The following IPMK variants were observed in gnomAD, a reference collection of about 807,000 sequenced individuals.
The protein encoded by IPMK is inositol polyphosphate multikinase.
In IPMK, 17 loss-of-function variants were observed where a neutral mutation model predicts 45.8. That is an observed-to-expected ratio of 0.37 (90% confidence interval 0.25 to 0.56). The LOEUF is 0.56. Ranked by LOEUF, IPMK falls within the 20% of genes least tolerant of loss-of-function variation. The probability of loss-of-function intolerance (pLI) is 0.79; values close to 1 mark genes in which losing one functional copy is unlikely to be tolerated. For synonymous variants in IPMK, 180 were observed against 184.3 expected (o/e 0.98, Z 0.19); for missense variants, 399 against 498.0 (o/e 0.80, Z 1.89).
At position 58,256,733 on chromosome 10, in the gene IPMK, C is replaced by T. The variant is rs180950553; in HGVS notation, c.190+10689G>A. ...CCAGAGGCCCAGCTGTAAAATTTCTCTCTTTGTACTCTTTCTCTTTATTTG... is the reference window on the plus strand; with the variant it reads ...CCAGAGGCCCAGCTGTAAAATTTCTTTCTTTGTACTCTTTCTCTTTATTTG... On this transcript the variant is annotated intron_variant, in intron 1 of 5. Coordinates refer to ENST00000373935, the MANE Select transcript of IPMK (RefSeq NM_152230.5). Among the ~76,000 whole-genome samples, 190 of 152,298 alleles carry T rather than the reference C, an allele frequency of 1.2e-3. 2 individuals carry two copies. Among genetic ancestry groups the T allele is most frequent in the Non-Finnish European group, 2.3e-3 (155 of 68,018 alleles).
At chr10:58,203,632 T>C (rs1411833651) in intron 4 of IPMK, among the ~76,000 whole-genome samples, 2 of 152,094 alleles carry the variant, frequency 1.3e-5, no homozygotes, top group Admixed American at 6.5e-5. Flanking sequence ...TGGCTTCTCA[T>C]GGATGAGCAA....
intron 5 of IPMK, among the ~76,000 whole-genome samples, chr10:58,198,066 G>C (rs966466146): frequency 2.6e-5 from 4 of 151,986 alleles, no homozygotes; most frequent in Non-Finnish European, 4.4e-5. Flanking sequence ...ACAAAAACTT[G>C]CTTATTAGAA....
intron 1 of IPMK, among the ~76,000 whole-genome samples, chr10:58,251,448 T>G (rs1178176474): frequency 2.0e-5 from 3 of 150,906 alleles, no homozygotes; most frequent in Non-Finnish European, 4.4e-5. Flanking sequence ...GAAAAAAATG[T>G]GTATTCTGCA....
chr10:58,244,596 A>C (rs1838766570), intron 1 of IPMK, among the ~76,000 whole-genome samples: 1 of 151,710 alleles, frequency 6.6e-6, no homozygotes, highest in African/African-American at 2.4e-5. Context: ...GTCGAAAAAA[A>C]AGAAAAGGGG....
chr10:58,216,729 A>C (rs2132153040), intron 3 of IPMK, among the ~76,000 whole-genome samples: 1 of 152,346 alleles, frequency 6.6e-6, no homozygotes, highest in African/African-American at 2.4e-5. Context: ...AGTAATAGGA[A>C]TAAATCCTTC....
At chr10:58,232,391 C>T (rs1264453480) in intron 2 of IPMK, among the ~76,000 whole-genome samples, 5 of 152,124 alleles carry the variant, frequency 3.3e-5, no homozygotes, top group Non-Finnish European at 7.4e-5. Flanking sequence ...TTCTTCTCAG[C>T]ACATCACACT....
In IPMK at chr10:58,199,303, C is replaced by A; in HGVS notation, c.565G>T (p.Asp189Tyr). ...TGCTGGTTTTCTGTCTCATAGCTAT[C>A]GGAATGAACATGATAAACCTGTCAA... is the stretch of plus-strand genomic sequence containing the variant. ...LGMRVYHVHSDSYETENQHYG... is the reference protein window; with the variant it reads ...LGMRVYHVHSYSYETENQHYG... Residue 189 changes from aspartate to tyrosine, a missense_variant, in exon 5 of 6, where the codon GAT (aspartate) becomes TAT (tyrosine). By Grantham distance (160) the Asp-to-Tyr change is radical (BLOSUM62 -3). This residue lies in a region of IPMK where 288 missense variants were observed against 398.0 expected (regional missense o/e 0.72). Coordinates refer to ENST00000373935, the MANE Select transcript of IPMK (RefSeq NM_152230.5). 2 of 1,606,634 alleles carry A rather than the reference C, an allele frequency of 1.2e-6. No individual in the cohort carries two copies. Among genetic ancestry groups the A allele is most frequent in the Non-Finnish European group, 1.7e-6 (2 of 1,176,072 alleles).
At chr10:58,245,915 A>C (rs1211333218) in intron 1 of IPMK, among the ~76,000 whole-genome samples, 1 of 127,832 alleles carries the variant, frequency 7.8e-6, no homozygotes, top group Admixed American at 7.1e-5. Context: ...CCACTGTCTC[A>C]GCCCAAATCT....
chr10:58,238,291 T>G (rs1252440814), intron 1 of IPMK, among the ~76,000 whole-genome samples: 1 of 152,206 alleles, frequency 6.6e-6, no homozygotes, highest in Admixed American at 6.5e-5. Context: ...ACTAAAATAT[T>G]TGCTGATTCA....
chr10:58,265,364 T>C (rs1856657533), intron 1 of IPMK, among the ~76,000 whole-genome samples: 1 of 152,170 alleles, frequency 6.6e-6, no homozygotes, highest in Non-Finnish European at 1.5e-5. Context: ...ACAAAGCTTA[T>C]CCTGAGAATT....
rs2132138906 is a variant in IPMK at position 58,194,293 on chromosome 10, TAAAAGAA to T, written c.*1776_*1782del. On this transcript the variant is annotated 3_prime_UTR_variant, in exon 6 of 6. Transcript: ENST00000373935. ...CCAAATAACAACAAAATCCATATTG[TAAAAGAA>T]AAAAGTAAAACTAAAAATTCTGATT... 1.3e-5 allele frequency: 2 copies of T among 151,896 alleles called. No individual in the cohort carries two copies. The highest frequency in any genetic ancestry group is 4.8e-5 in the African/African-American group (2 of 41,530). The allele number at this position is 151,896 out of a possible 1,614,324, so 9.4% of individuals were successfully genotyped here. A position where few individuals can be genotyped will look rare whatever the true frequency, so the allele number is the denominator to read the frequency against.
intron 2 of IPMK, among the ~76,000 whole-genome samples, chr10:58,230,948 G>A (rs1838507110): frequency 1.3e-5 from 2 of 152,266 alleles, no homozygotes; most frequent in African/African-American, 4.8e-5. Context: ...TAGATGAATC[G>A]CTAACTAGAA....
intron 1 of IPMK, among the ~76,000 whole-genome samples, chr10:58,246,113 T>C (rs1838796396): frequency 7.6e-6 from 1 of 130,968 alleles, no homozygotes; most frequent in Non-Finnish European, 1.5e-5. Flanking sequence ...GAAGGACCTC[T>C]TCAAGGAGAA....
At chr10:58,243,658 G>A (rs373527217) in intron 1 of IPMK, among the ~76,000 whole-genome samples, 1 of 152,186 alleles carries the variant, frequency 6.6e-6, no homozygotes, top group African/African-American at 2.4e-5. Flanking sequence ...ACGGAGTCTC[G>A]CTCACTCAAT....
chr10:58,245,879 C>T lies in IPMK; in HGVS notation c.191-8065G>A, dbSNP rs550530351. ...AAGTCAAATTGTCCCTGTTTGCAGA[C>T]GACATGATTGTATATTTAGAAAACC... is the stretch of plus-strand genomic sequence containing the variant. On this transcript the variant is annotated intron_variant, in intron 1 of 5. Coordinates refer to ENST00000373935, the MANE Select transcript of IPMK (RefSeq NM_152230.5). Among the ~76,000 whole-genome samples the T allele has an allele frequency of 3.3e-3, 449 of 137,812 alleles. 2 individuals are homozygous for T. Among genetic ancestry groups the T allele is most frequent in the Middle Eastern group, 6.9e-3 (2 of 288 alleles). 90.4% of individuals were successfully genotyped at this position (137,812 alleles called of 152,430 possible).
intron 4 of IPMK, among the ~76,000 whole-genome samples, chr10:58,208,389 G>A (rs550029043): frequency 2.8e-4 from 42 of 152,246 alleles, no homozygotes; most frequent in African/African-American, 1.0e-3. Flanking sequence ...TCTTTTCGGG[G>A]TGTTATAGAG....
chr10:58,209,462 C>T (rs942999829), intron 4 of IPMK, among the ~76,000 whole-genome samples: 2 of 152,180 alleles, frequency 1.3e-5, no homozygotes, highest in Non-Finnish European at 2.9e-5. Flanking sequence ...TGGTGCTCTC[C>T]CTATTCCCCT....
At chr10:58,229,632 A>G (rs777812511) in intron 2 of IPMK, among the ~76,000 whole-genome samples, 2 of 152,036 alleles carry the variant, frequency 1.3e-5, no homozygotes, top group Non-Finnish European at 2.9e-5. Flanking sequence ...AAAAATCTGA[A>G]GAACTTTAAG....
At chr10:58,219,990 G>A (rs1838306877) in intron 3 of IPMK, among the ~76,000 whole-genome samples, 2 of 152,164 alleles carry the variant, frequency 1.3e-5, no homozygotes, top group Admixed American at 1.3e-4. Context: ...ACTATCCTCA[G>A]TCCTACAGAA....
Sources: allele counts gnomAD v4.1 joint callset (sites outside exome capture counted in the v4.1 genomes callset), GRCh38; gene constraint gnomAD v4.1.1; regional missense constraint gnomAD v4.1.1; transcripts MANE v1.5; gene names NCBI Gene and HGNC (gene_info 2026-07-23, HGNC 2026-07-21).